ACYP2: variants seen among roughly 807,000 people sequenced by gnomAD.
ACYP2 encodes acylphosphatase 2.
Under a neutral mutation model 11.2 loss-of-function variants are expected in ACYP2, and 12 were observed. That is an observed-to-expected ratio of 1.08 (90% CI 0.69 to 1.74). The LOEUF (loss-of-function observed/expected upper bound fraction) is 1.74. Among genes scored for constraint, ACYP2 ranks in the 40% most tolerant of loss-of-function variants. ACYP2 has a pLI of 0.00. For missense variants in ACYP2, 134 were observed against 101.9 expected (o/e 1.31, Z -1.35); for synonymous variants, 43 against 32.2 (o/e 1.33, Z -1.13).
chr2:54,264,569 A>G (rs1298334855), intron 6 of ACYP2, among the ~76,000 whole-genome samples: 22 of 152,240 alleles, frequency 1.4e-4, no homozygotes, highest in Admixed American at 1.4e-3. Context: ...GCAAACTCAC[A>G]TGTAAAAAAC....
intron 6 of ACYP2, among the ~76,000 whole-genome samples, chr2:54,216,727 G>A (rs1685575560): frequency 2.0e-5 from 3 of 152,038 alleles, no homozygotes; most frequent in Non-Finnish European, 4.4e-5. Context: ...GGTAGAGATG[G>A]GGTTTTACCA....
At chr2:54,303,262 G>A (rs566689476) in intron 6 of ACYP2, among the ~76,000 whole-genome samples, 20 of 152,166 alleles carry the variant, frequency 1.3e-4, no homozygotes, top group African/African-American at 4.6e-4. Flanking sequence ...GAGGCTGGTG[G>A]ATTACTTGAG....
chr2:54,234,664 A>G (rs1183412297), intron 6 of ACYP2, among the ~76,000 whole-genome samples: 4 of 152,238 alleles, frequency 2.6e-5, no homozygotes, highest in African/African-American at 7.2e-5. Flanking sequence ...GCCCTCTTCA[A>G]TTAAGGCATG....
chr2:54,207,169 G>GTA (rs200272987), intron 6 of ACYP2, among the ~76,000 whole-genome samples: 1 of 139,508 alleles, frequency 7.2e-6, no homozygotes, highest in Non-Finnish European at 1.5e-5. Flanking sequence ...TATACAACAT[G>GTA]TATATGTGTG....
intron 2 of ACYP2, among the ~76,000 whole-genome samples, chr2:54,029,350 C>T (rs55666400): frequency 0.068 from 10,265 of 151,524 alleles, 444 homozygotes; most frequent in Non-Finnish European, 0.095. Context: ...TGATGACCTA[C>T]CTGAGGTCAT....
intron 6 of ACYP2, among the ~76,000 whole-genome samples, chr2:54,206,735 C>T (rs1196292838): frequency 6.6e-6 from 1 of 152,112 alleles, no homozygotes; most frequent in East Asian, 1.9e-4. Context: ...TTTAGAAATG[C>T]AAACTAAATG....
chr2:54,029,758 G>A (rs1674483614), intron 2 of ACYP2: 1 of 597,366 alleles, frequency 1.7e-6, no homozygotes, highest in African/African-American at 1.9e-5. Context: ...ACAGCATGCT[G>A]GGGAACATTG....
At chr2:54,166,118 A>G (rs539147449) in intron 6 of ACYP2, among the ~76,000 whole-genome samples, 2 of 152,242 alleles carry the variant, frequency 1.3e-5, no homozygotes, top group South Asian at 2.1e-4. Flanking sequence ...TGCAGCCTCA[A>G]TTACTGCCTG....
intron 2 of ACYP2, among the ~76,000 whole-genome samples, chr2:54,045,274 C>A (rs1175255275): frequency 2.6e-5 from 4 of 152,162 alleles, no homozygotes; most frequent in African/African-American, 9.7e-5. Context: ...AAAACCCCAG[C>A]CTACAATTCC....
Position 54,304,808 on chromosome 2 carries a change from G to A in ACYP2, c.*6G>A, listed in dbSNP as rs1302020091. On this transcript the variant is annotated 3_prime_UTR_variant, in exon 7 of 7. Transcript: ENST00000607452. Reference sequence around the variant, plus strand: ...ATTTTAGTATTAGATACTAATAGAAGAGAAAAATTGTAACACACTGAACAA... The same window carrying A: ...ATTTTAGTATTAGATACTAATAGAAAAGAAAAATTGTAACACACTGAACAA... 6.0e-6 allele frequency: 9 copies of A among 1,496,410 alleles called. No homozygotes were observed. The Admixed American group carries it at 6.8e-5, about 11-fold the overall frequency. 92.7% of individuals were successfully genotyped at this position (1,496,410 alleles called of 1,614,324 possible).
intron 6 of ACYP2, among the ~76,000 whole-genome samples, chr2:54,303,604 C>A (rs1689810850): frequency 6.6e-6 from 1 of 152,046 alleles, no homozygotes; most frequent in African/African-American, 2.4e-5. Context: ...AGATAAGATC[C>A]AAATAAAGGG....
At chr2:54,248,313 A>G (rs1418534032) in intron 6 of ACYP2, among the ~76,000 whole-genome samples, 1 of 152,224 alleles carries the variant, frequency 6.6e-6, no homozygotes, top group Admixed American at 6.5e-5. Flanking sequence ...ATTATTATTT[A>G]TTGACCATAT....
chr2:54,240,062 A>G (rs1686665825), intron 6 of ACYP2, among the ~76,000 whole-genome samples: 2 of 152,164 alleles, frequency 1.3e-5, no homozygotes, highest in African/African-American at 4.8e-5. Flanking sequence ...TAGGGGTGGG[A>G]ATTTCTTCTC....
Position 54,195,859 on chromosome 2 carries a change from G to A in ACYP2, c.404+57111G>A, listed in dbSNP as rs556797564. Among the ~76,000 whole-genome samples, 487 of 136,816 alleles carry A rather than the reference G, an allele frequency of 3.6e-3. 7 individuals carry two copies. The highest frequency in any genetic ancestry group is 0.013 in the African/African-American group (457 of 36,040). The allele number at this position is 136,816 out of a possible 152,430, so 89.8% of individuals were successfully genotyped here. On this transcript the variant is annotated intron_variant, in intron 6 of 6. Transcript: ENST00000607452. ...ATCGCCTAGGCTAGAGTGCAATGGC[G>A]CGATCTTGGCTCACTGCAATTTCTG... is the stretch of plus-strand genomic sequence containing the variant.
chr2:54,250,477 T>TGG (rs149150140), intron 6 of ACYP2, among the ~76,000 whole-genome samples: 97 of 83,780 alleles, frequency 1.2e-3, no homozygotes, highest in African/African-American at 3.7e-3. Context: ...GTGGGTGGGG[T>TGG]GGGGGGGGCG....
chr2:54,163,127 A>T (rs1255143668), intron 6 of ACYP2, among the ~76,000 whole-genome samples: 1 of 152,184 alleles, frequency 6.6e-6, no homozygotes, highest in Non-Finnish European at 1.5e-5. Flanking sequence ...TCTGCCTCTA[A>T]CAAACTCCCA....
intron 6 of ACYP2, among the ~76,000 whole-genome samples, chr2:54,224,126 C>A (rs945598472): frequency 7.2e-5 from 11 of 152,098 alleles, no homozygotes; most frequent in Admixed American, 5.2e-4. Flanking sequence ...TGACCTAGAT[C>A]AAATTATTTT....
At chr2:54,057,923 A>G (rs1421523533) in intron 4 of ACYP2, among the ~76,000 whole-genome samples, 1 of 152,234 alleles carries the variant, frequency 6.6e-6, no homozygotes, top group Non-Finnish European at 1.5e-5. Flanking sequence ...GTGGTGTAGT[A>G]AATGTAAAGA....
chr2:54,136,604 T>G (rs1681251896), intron 5 of ACYP2, among the ~76,000 whole-genome samples: 1 of 152,240 alleles, frequency 6.6e-6, no homozygotes, highest in Admixed American at 6.5e-5. Context: ...TTGATTTGTG[T>G]TGTTTCATAC....
Sources: allele counts gnomAD v4.1 joint callset (sites outside exome capture counted in the v4.1 genomes callset), GRCh38; gene constraint gnomAD v4.1.1; transcripts MANE v1.5; gene names NCBI Gene and HGNC (gene_info 2026-07-23, HGNC 2026-07-21).